Variants in ATXN1 observed in about 807,000 individuals in gnomAD.
ATXN1 encodes ataxin-1.
ATXN1 carries 8 observed loss-of-function variants against 56.4 expected under a neutral mutation model. That is an observed-to-expected ratio of 0.14 (90% CI 0.08 to 0.26). The LOEUF is 0.26. ATXN1 is among the 10% of genes least tolerant of loss of function. The pLI, the probability that ATXN1 is intolerant of heterozygous loss-of-function variation, is 1.00. For synonymous variants in ATXN1, 514 were observed against 494.6 expected, an observed-to-expected ratio of 1.04 and a Z score of -0.52; for missense variants, 987 against 1,106.5, an observed-to-expected ratio of 0.89 and a Z score of 1.53.
chr6:16,588,433 C>A (rs2087364157), intron 3 of ATXN1, among the ~76,000 whole-genome samples: 1 of 152,226 alleles, frequency 6.6e-6, no homozygotes, highest in Non-Finnish European at 1.5e-5. Context: ...TTCCTCCTTG[C>A]TAAGACTTCT....
chr6:16,517,938 T>A (rs1275458589), intron 5 of ATXN1, among the ~76,000 whole-genome samples: 1 of 152,320 alleles, frequency 6.6e-6, no homozygotes, highest in African/African-American at 2.4e-5. Flanking sequence ...TCAAACAACA[T>A]CTATGTGTTT....
intron 2 of ATXN1, among the ~76,000 whole-genome samples, chr6:16,660,413 A>G (rs567305017): frequency 2.4e-4 from 37 of 152,352 alleles, no homozygotes; most frequent in African/African-American, 8.4e-4. Context: ...ATTTTGGTGA[A>G]AATTTTCTGA....
rs1197532512 is a variant in ATXN1, at chr6:16,327,113, C to T, written c.1198G>A (p.Ala400Thr). 14 of 1,613,486 alleles carry T rather than the reference C, an allele frequency of 8.7e-6. No individual in the cohort carries two copies. Among genetic ancestry groups the T allele is most frequent in the Non-Finnish European group, 1.2e-5 (14 of 1,180,038 alleles). The change falls in exon 7 of 8, where the codon GCC becomes ACC. Residue 400 changes from alanine to threonine, a missense_variant. Around this residue, in one of 3 missense-constraint regions of ATXN1, gnomAD observed 723 missense variants for 791.7 expected, o/e 0.91. Coordinates refer to ENST00000436367, the MANE Select transcript of ATXN1 (RefSeq NM_001128164.2). ...GAAGGGGAGGCTTCACGATGAGTGG[C>T]CTGTTGCACCTCCAGGTCAGCTGCG... ...TPAADLEVQQATHREASPSTL... is the reference protein window; with the variant it reads ...TPAADLEVQQTTHREASPSTL...
rs111583280 is a variant in ATXN1 at position 16,379,264 on chromosome 6, G to A, written c.-160-50794C>T. 5.1e-3 allele frequency among the ~76,000 whole-genome samples: 781 copies of A among 152,292 alleles called. 3 individuals carry two copies. Among genetic ancestry groups the A allele is most frequent in the Non-Finnish European group, 7.9e-3 (535 of 68,026 alleles). On this transcript the variant is annotated intron_variant, in intron 6 of 7. Coordinates refer to ENST00000436367, the MANE Select transcript of ATXN1 (RefSeq NM_001128164.2). The stretch of plus-strand genomic sequence containing the variant: ...GCGGACTTTGGGCACTTAGGGGGAA[G>A]AGTGGGAGTGGGGAGAGGGATAAAA...
intron 2 of ATXN1, among the ~76,000 whole-genome samples, chr6:16,747,340 A>G (rs1029195331): frequency 1.3e-5 from 2 of 152,146 alleles, no homozygotes. Context: ...TTTCTGGAGC[A>G]CACATTAAAC....
chr6:16,338,346 A>C (rs942982000), intron 6 of ATXN1, among the ~76,000 whole-genome samples: 1 of 151,888 alleles, frequency 6.6e-6, no homozygotes, highest in Non-Finnish European at 1.5e-5. Flanking sequence ...ACAAAAAATG[A>C]GCCAGGCGTG....
At chr6:16,490,152 C>A (rs1196181375) in intron 5 of ATXN1, among the ~76,000 whole-genome samples, 24 of 142,146 alleles carry the variant, frequency 1.7e-4, no homozygotes, top group African/African-American at 5.0e-4. Flanking sequence ...AAAAAAAAAA[C>A]CAAAAACCAA....
chr6:16,512,114 T>A (rs1397354556), intron 5 of ATXN1, among the ~76,000 whole-genome samples: 1 of 152,118 alleles, frequency 6.6e-6, no homozygotes. Context: ...CCTCCCCGCC[T>A]CCATTCAGCG....
At chr6:16,573,835 C>T (rs961751472) in intron 4 of ATXN1, among the ~76,000 whole-genome samples, 1 of 152,280 alleles carries the variant, frequency 6.6e-6, no homozygotes, top group Non-Finnish European at 1.5e-5. Context: ...CATCACTACA[C>T]ATCCTGTTAA....
chr6:16,411,587 A>T (rs1301763487), intron 6 of ATXN1, among the ~76,000 whole-genome samples: 2 of 152,104 alleles, frequency 1.3e-5, no homozygotes, highest in Admixed American at 6.5e-5. Context: ...CTGCATCAGG[A>T]TTTAAGACAT....
chr6:16,609,735 T>A (rs1294023213), intron 3 of ATXN1, among the ~76,000 whole-genome samples: 1 of 152,168 alleles, frequency 6.6e-6, no homozygotes, highest in Non-Finnish European at 1.5e-5. Context: ...TATAAGGACT[T>A]GGTTAACAAA....
At chr6:16,710,488 G>C (rs538888248) in intron 2 of ATXN1, among the ~76,000 whole-genome samples, 1 of 152,136 alleles carries the variant, frequency 6.6e-6, no homozygotes, top group East Asian at 1.9e-4. Flanking sequence ...ATAATCTTGA[G>C]GGAAAAAACA....
chr6:16,730,452 G>A (rs1187273904), intron 2 of ATXN1, among the ~76,000 whole-genome samples: 2 of 131,136 alleles, frequency 1.5e-5, no homozygotes, highest in African/African-American at 2.7e-5. Flanking sequence ...ATGTGTGAAC[G>A]CAAAGCTTTC....
intron 4 of ATXN1, among the ~76,000 whole-genome samples, chr6:16,557,448 C>T (rs899110768): frequency 3.3e-5 from 5 of 151,514 alleles, no homozygotes; most frequent in Middle Eastern, 3.4e-3. Context: ...AAGTCAATAT[C>T]AAGAGAATAA....
At chr6:16,541,474 G>A (rs1761712153) in intron 4 of ATXN1, among the ~76,000 whole-genome samples, 1 of 152,162 alleles carries the variant, frequency 6.6e-6, no homozygotes, top group South Asian at 2.1e-4. Context: ...GCTGATCACT[G>A]GAAACAGGGC....
rs377585322 is a variant in ATXN1, at chr6:16,676,908, T to C, written c.-614-19007A>G. Among the ~76,000 whole-genome samples the C allele has an allele frequency of 9.8e-5, 15 of 152,318 alleles. 1 individual carries two copies. In the South Asian group the frequency reaches 1.0e-3, roughly 11 times the overall value. On this transcript the variant is annotated intron_variant, in intron 2 of 7. Transcript: ENST00000436367. ...TTCCATCACAAGATTGGGGATATCATTGTGTTCCTTTCCTCTTATGTCCAC... is the reference window on the plus strand; with the variant it reads ...TTCCATCACAAGATTGGGGATATCACTGTGTTCCTTTCCTCTTATGTCCAC...
At chr6:16,462,691 C>T (rs534499844) in intron 6 of ATXN1, among the ~76,000 whole-genome samples, 5 of 152,264 alleles carry the variant, frequency 3.3e-5, no homozygotes, top group African/African-American at 9.6e-5. Context: ...GCCCTGTAAC[C>T]GTGAATACCA....
intron 5 of ATXN1, among the ~76,000 whole-genome samples, chr6:16,489,216 T>C (rs1760609400): frequency 6.6e-6 from 1 of 152,172 alleles, no homozygotes; most frequent in South Asian, 2.1e-4. Flanking sequence ...CCTAACAGCA[T>C]CTAGTGGAAG....
intron 2 of ATXN1, among the ~76,000 whole-genome samples, chr6:16,730,551 CAAT>C (rs1759952679): frequency 1.4e-5 from 2 of 141,074 alleles, no homozygotes; most frequent in Non-Finnish European, 1.6e-5. Flanking sequence ...TATTTATGTA[CAAT>C]AATATATTTC....
Sources: allele counts gnomAD v4.1 joint callset (sites outside exome capture counted in the v4.1 genomes callset), GRCh38; gene constraint gnomAD v4.1.1; regional missense constraint gnomAD v4.1.1; transcripts MANE v1.5; gene names NCBI Gene and HGNC (gene_info 2026-07-23, HGNC 2026-07-21).